CDHR3: variants seen among roughly 807,000 people sequenced by gnomAD.
The protein encoded by CDHR3 is cadherin related family member 3.
CDHR3 carries 79 observed loss-of-function variants against 86.6 expected under a neutral mutation model. That is an observed-to-expected ratio of 0.91 (90% CI 0.76 to 1.10). The LOEUF is 1.10. Ranked by LOEUF, CDHR3 falls within the 50% of genes least tolerant of loss-of-function variation. The pLI is 0.00. For synonymous variants in CDHR3, 421 were observed against 402.4 expected, an observed-to-expected ratio of 1.05 and a Z score of -0.55; for missense variants, 1,081 against 1,077.6, an observed-to-expected ratio of 1.00 and a Z score of -0.04.
Position 106,022,310 on chromosome 7 carries a change from C to T in CDHR3, c.1938C>T (p.Tyr646=), listed in dbSNP as rs1196349186. The change falls in exon 14 of 19, where the codon TAC becomes TAT. Residue 646 remains tyrosine (Y), a synonymous_variant. Coordinates refer to ENST00000317716, the MANE Select transcript of CDHR3 (RefSeq NM_152750.5). ...GTGGGTTTGATAAGATCTGGGACTA[C>T]AAGCTACTTGTCTACGTAACTGATG... is the stretch of plus-strand genomic sequence containing the variant. The part of the protein sequence containing the change: ...YAGGFDKIWD[Y]KLLVYVTDDN... 8 of 1,614,032 alleles carry T rather than the reference C, an allele frequency of 5.0e-6. No homozygotes were observed. Among genetic ancestry groups the T allele is most frequent in the Non-Finnish European group, 5.1e-6 (6 of 1,179,896 alleles).
intron 1 of CDHR3, among the ~76,000 whole-genome samples, chr7:105,974,480 T>C (rs1828477853): frequency 6.6e-6 from 1 of 151,630 alleles, no homozygotes; most frequent in African/African-American, 2.4e-5. Flanking sequence ...GAAGATGACA[T>C]TATGAGGCAA....
chr7:105,992,463 TG>T (rs922165844), intron 4 of CDHR3, among the ~76,000 whole-genome samples: 24 of 152,158 alleles, frequency 1.6e-4, no homozygotes, highest in African/African-American at 5.6e-4. Context: ...GGAGTGTTAA[TG>T]GGGGGCTTGG....
intron 7 of CDHR3, among the ~76,000 whole-genome samples, chr7:106,003,230 A>G (rs1485084725): frequency 1.3e-5 from 2 of 152,044 alleles, no homozygotes; most frequent in African/African-American, 4.8e-5. Context: ...TACTTACAGT[A>G]CATCTCAATT....
At chr7:106,028,435 G>A in intron 16 of CDHR3, 116 bp from the exon 17 acceptor site, 1 of 1,119,598 alleles carries the variant, frequency 8.9e-7, no homozygotes, top group Non-Finnish European at 1.3e-6. Context: ...ATTCTTTGCT[G>A]TGTCTGCAAG....
chr7:105,987,927 A>G (rs1440235987), intron 4 of CDHR3, among the ~76,000 whole-genome samples: 2 of 152,234 alleles, frequency 1.3e-5, no homozygotes, highest in Admixed American at 6.5e-5. Context: ...TCTTACCTCT[A>G]TCACCCAGGC....
chr7:106,017,568 C>CAG (rs1358931832), intron 11 of CDHR3, among the ~76,000 whole-genome samples: 18 of 122,708 alleles, frequency 1.5e-4, no homozygotes, highest in Admixed American at 1.3e-3. Flanking sequence ...CACACAGACA[C>CAG]ACACACACAC....
intron 2 of CDHR3, among the ~76,000 whole-genome samples, chr7:105,979,689 C>G (rs937866860): frequency 2.0e-5 from 3 of 152,138 alleles, no homozygotes; most frequent in African/African-American, 7.2e-5. Flanking sequence ...CCAAGGCCAC[C>G]CAGAAGTTCA....
intron 2 of CDHR3, among the ~76,000 whole-genome samples, chr7:105,977,483 C>A (rs752133754): frequency 1.3e-5 from 2 of 152,188 alleles, no homozygotes; most frequent in Admixed American, 6.5e-5. Flanking sequence ...GGTGTATTGT[C>A]CTAGTCCTGT....
At chr7:105,987,051 C>T (rs1214792350) in intron 4 of CDHR3, among the ~76,000 whole-genome samples, 3 of 152,234 alleles carry the variant, frequency 2.0e-5, no homozygotes, top group Admixed American at 6.5e-5. Context: ...TTTAAATCTC[C>T]ACTTTAAATG....
At position 106,015,957 on chromosome 7, in the gene CDHR3, C is replaced by T; in HGVS notation, c.1358C>T (p.Pro453Leu). Residue 453 changes from proline (P) to leucine (L), a missense_variant, in exon 11 of 19, where the codon CCA becomes CTA. Pro to Leu is a moderately conservative substitution (Grantham distance 98). Transcript: ENST00000317716. ...GTCTACGTTTATATCCTAACAAGCC[C>T]AGAAAATGAGTTTCCTCTCATTTTT... is the stretch of plus-strand genomic sequence containing the variant. ...NNVYVYILTS[P>L]ENEFPLIFDR... 6.2e-7 allele frequency: 1 copy of T among 1,612,996 alleles called. No homozygotes were observed. Among genetic ancestry groups the T allele is most frequent in the Non-Finnish European group, 8.5e-7 (1 of 1,179,330 alleles).
At chr7:105,977,230 G>A (rs553573229) in intron 2 of CDHR3, among the ~76,000 whole-genome samples, 16 of 152,304 alleles carry the variant, frequency 1.1e-4, no homozygotes, top group South Asian at 2.1e-4. Flanking sequence ...TCACATAGCC[G>A]TAAAAGGTGA....
intron 2 of CDHR3, among the ~76,000 whole-genome samples, chr7:105,980,592 T>G (rs1328361709): frequency 1.0e-5 from 1 of 97,952 alleles, no homozygotes; most frequent in Non-Finnish European, 2.1e-5. Context: ...AAGGTTTTTT[T>G]TTTTTTTTTT....
At chr7:105,964,585 T>G (rs956828209) in intron 1 of CDHR3, among the ~76,000 whole-genome samples, 1 of 151,978 alleles carries the variant, frequency 6.6e-6, no homozygotes, top group Non-Finnish European at 1.5e-5. Context: ...TTTTATATGT[T>G]AAGGAGGTGG....
At chr7:106,014,455 A>C (rs1835267392) in intron 9 of CDHR3, among the ~76,000 whole-genome samples, 2 of 152,240 alleles carry the variant, frequency 1.3e-5, no homozygotes, top group South Asian at 4.1e-4. Context: ...ATAACAAAAT[A>C]CTATAACAAA....
At chr7:105,970,202 A>AC (rs34899128) in intron 1 of CDHR3, among the ~76,000 whole-genome samples, 40,113 of 151,628 alleles carry the variant, frequency 0.26, 5,916 homozygotes, top group East Asian at 0.67. Context: ...CACATTCTTG[A>AC]CCCGCATCTC....
At position 106,033,230 on chromosome 7, in the gene CDHR3, T is replaced by C. The variant is rs1838630640; in HGVS notation, c.*533T>C. 1 of 153,492 alleles carries C rather than the reference T, an allele frequency of 6.5e-6. No individual in the cohort carries two copies. Among genetic ancestry groups the C allele is most frequent in the South Asian group, 2.0e-4 (1 of 4,886 alleles). 9.5% of individuals were successfully genotyped at this position (153,492 alleles called of 1,614,324 possible). On this transcript the variant is annotated 3_prime_UTR_variant, in exon 19 of 19. Transcript: ENST00000317716. ...ATGAGTAAGTTAAGAGTTGGTCATC[T>C]GGAAAGAAGAAAACTCAGTAGGCAC...
Position 105,999,195 on chromosome 7 carries a change from T to C in CDHR3, c.714-2267T>C, listed in dbSNP as rs561789549. ...CTGTGCTTTGAATAGCTCTTAACTG[T>C]GGTCTCCGTTGAATGATATTTTATA... On this transcript the variant is annotated intron_variant, in intron 6 of 18. Transcript: ENST00000317716. Among the ~76,000 whole-genome samples the C allele has an allele frequency of 4.2e-4, 64 of 152,362 alleles. No individual in the cohort carries two copies. In the South Asian group the frequency reaches 5.6e-3, roughly 13 times the overall value.
intron 13 of CDHR3, among the ~76,000 whole-genome samples, chr7:106,021,566 C>G (rs1367598155): frequency 6.6e-6 from 1 of 152,256 alleles, no homozygotes; most frequent in Non-Finnish European, 1.5e-5. Context: ...CTGGCAGCCT[C>G]TCTGCCCCAG....
intron 8 of CDHR3, chr7:106,004,898 T>C (rs1833734121): frequency 1.7e-6 from 1 of 584,352 alleles, no homozygotes; most frequent in East Asian, 2.9e-5. Context: ...CTTCATTATC[T>C]CCCTTGTTCA....
Sources: allele counts gnomAD v4.1 joint callset (sites outside exome capture counted in the v4.1 genomes callset), GRCh38; gene constraint gnomAD v4.1.1; transcripts MANE v1.5; gene names NCBI Gene and HGNC (gene_info 2026-07-23, HGNC 2026-07-21).